Variants in PIGU observed in about 807,000 individuals in gnomAD.
PIGU encodes phosphatidylinositol glycan anchor biosynthesis class U.
PIGU carries 24 observed loss-of-function variants against 49.9 expected under a neutral mutation model. The ratio of observed to expected loss-of-function variants is 0.48; its 90% CI spans 0.35 to 0.68. The LOEUF is 0.68. Ranked by LOEUF, PIGU falls within the 30% of genes least tolerant of loss-of-function variation. PIGU has a pLI of 0.01. For synonymous variants in PIGU, 220 were observed against 205.7 expected (o/e 1.07, Z -0.59); for missense variants, 490 against 532.6 (o/e 0.92, Z 0.79).
intron 11 of PIGU, among the ~76,000 whole-genome samples, chr20:34,570,936 G>T (rs1982986541): frequency 6.6e-6 from 1 of 152,154 alleles, no homozygotes; most frequent in Non-Finnish European, 1.5e-5. Context: ...GTCTCTCCAG[G>T]AATCTGCTCT....
intron 1 of PIGU, among the ~76,000 whole-genome samples, chr20:34,660,171 G>A (rs1012841555): frequency 2.0e-5 from 3 of 151,654 alleles, no homozygotes; most frequent in Admixed American, 6.6e-5. Context: ...AAGGAACAAA[G>A]AAATAGAAAA....
At chr20:34,634,265 T>C (rs1985888178) in intron 6 of PIGU, among the ~76,000 whole-genome samples, 1 of 151,938 alleles carries the variant, frequency 6.6e-6, no homozygotes, top group Non-Finnish European at 1.5e-5. Flanking sequence ...AGAGACAAGC[T>C]CTTGCTATGT....
Position 34,670,059 on chromosome 20 carries a change from C to T in PIGU, c.130+6897G>A, listed in dbSNP as rs139340600. ...GTGAGGGGATTGTGACGAAGGGGGGCTTCTGAAGTGAGTGGCAAAGTTCTG... is the reference window on the plus strand; with the variant it reads ...GTGAGGGGATTGTGACGAAGGGGGGTTTCTGAAGTGAGTGGCAAAGTTCTG... On this transcript the variant is annotated intron_variant, in intron 1 of 11. Coordinates refer to ENST00000217446, the MANE Select transcript of PIGU (RefSeq NM_080476.5). Among the ~76,000 whole-genome samples, 248 of 152,240 alleles carry T rather than the reference C, an allele frequency of 1.6e-3. 2 individuals are homozygous for T. Among genetic ancestry groups the T allele is most frequent in the African/African-American group, 5.6e-3 (231 of 41,544 alleles).
intron 3 of PIGU, 21 bp downstream of exon 3, chr20:34,645,252 ATT>A (rs769771337): frequency 1.3e-6 from 2 of 1,539,528 alleles, no homozygotes; most frequent in Non-Finnish European, 1.7e-6. Context: ...ATACATATCA[ATT>A]TTATATGGAA....
intron 7 of PIGU, among the ~76,000 whole-genome samples, chr20:34,595,322 C>T (rs1031772980): frequency 2.6e-5 from 4 of 152,036 alleles, no homozygotes; most frequent in Non-Finnish European, 5.9e-5. Flanking sequence ...TTTCATTATT[C>T]CCTGAACAAT....
rs1448536647 is a variant in PIGU, at chr20:34,636,660, C to T, written c.428+1216G>A. ...GCACTATAGTAATCAGCTACAAATT[C>T]GGCTCTGAGTTTCCTGGCAGAGAAA... On this transcript the variant is annotated intron_variant, in intron 5 of 11. Transcript: ENST00000217446. 2.6e-5 allele frequency among the ~76,000 whole-genome samples: 4 copies of T among 152,168 alleles called. No individual in the cohort carries two copies. The South Asian group carries it at 6.2e-4, about 24-fold the overall frequency.
chr20:34,616,852 G>A (rs1386810102), intron 6 of PIGU, among the ~76,000 whole-genome samples: 2 of 152,034 alleles, frequency 1.3e-5, no homozygotes, highest in African/African-American at 2.4e-5. Context: ...AGTAACTCAC[G>A]CCTATAATCC....
intron 2 of PIGU, among the ~76,000 whole-genome samples, chr20:34,653,973 T>A (rs1415939139): frequency 6.6e-6 from 1 of 151,552 alleles, no homozygotes. Flanking sequence ...TTCTCCTGCC[T>A]CAGCCTCCTG....
chr20:34,677,013 C>T lies in PIGU; in HGVS notation c.73G>A (p.Ala25Thr). ...TCCACCCGCTCGGAAATGAACTCGG[C>T]CAGACTGGAGCGGAACAAGGCCGCC... ...VRAALFRSSLAEFISERVEVV... is the reference protein window; with the variant it reads ...VRAALFRSSLTEFISERVEVV... Residue 25 changes from alanine to threonine, a missense_variant, in exon 1 of 12, where the codon GCC (alanine) becomes ACC (threonine). Coordinates refer to ENST00000217446, the MANE Select transcript of PIGU (RefSeq NM_080476.5). 6.3e-7 allele frequency: 1 copy of T among 1,584,370 alleles called. No individual in the cohort carries two copies. The highest frequency in any genetic ancestry group is 8.6e-7 in the Non-Finnish European group (1 of 1,166,008).
At chr20:34,629,323 T>C (rs1985613502) in intron 6 of PIGU, among the ~76,000 whole-genome samples, 2 of 152,144 alleles carry the variant, frequency 1.3e-5, no homozygotes, top group Admixed American at 6.5e-5. Flanking sequence ...TGCCGGGCCA[T>C]ATGTTACATT....
At chr20:34,659,307 G>C (rs1986848770) in intron 1 of PIGU, among the ~76,000 whole-genome samples, 2 of 144,144 alleles carry the variant, frequency 1.4e-5, no homozygotes, top group African/African-American at 5.2e-5. Flanking sequence ...AGGTGGGGGG[G>C]TCAGCCCCCC....
chr20:34,647,771 G>A (rs543788500), intron 2 of PIGU, among the ~76,000 whole-genome samples: 12 of 152,072 alleles, frequency 7.9e-5, no homozygotes, highest in African/African-American at 1.9e-4. Flanking sequence ...CTTGCTTAAC[G>A]GTCCATTATA....
At chr20:34,668,471 A>ATAAATAAATAAAT in intron 1 of PIGU, among the ~76,000 whole-genome samples, 1 of 133,342 alleles carries the variant, frequency 7.5e-6, no homozygotes, top group South Asian at 2.2e-4. Flanking sequence ...CAAAAAAAAA[A>ATAAATAAATAAAT]AAAAAAAAAA....
At chr20:34,564,389 T>C (rs1049095302) in intron 11 of PIGU, among the ~76,000 whole-genome samples, 9 of 152,184 alleles carry the variant, frequency 5.9e-5, no homozygotes, top group African/African-American at 1.9e-4. Flanking sequence ...ATGAACTAGC[T>C]GGGAATGGTG....
At chr20:34,650,152 A>G (rs1986484200) in intron 2 of PIGU, among the ~76,000 whole-genome samples, 1 of 151,962 alleles carries the variant, frequency 6.6e-6, no homozygotes, top group Admixed American at 6.6e-5. Context: ...CTGGCCTTAC[A>G]TTTTTAATTT....
In PIGU at chr20:34,645,304, G is replaced by A; in HGVS notation, c.226C>T (p.Leu76=). Residue 76 remains leucine (L), a synonymous_variant, in exon 3 of 12, where the codon CTA becomes TTA. Coordinates refer to ENST00000217446, the MANE Select transcript of PIGU (RefSeq NM_080476.5). ...AACACCAATTCAGCATAGTCAATTA[G>A]GAAATGAAAGAGGTATATTATTAAT... ...TPLIIYLFHF[L]IDYAELVFMI... 6.3e-7 allele frequency: 1 copy of A among 1,577,514 alleles called. No individual in the cohort carries two copies. Among genetic ancestry groups the A allele is most frequent in the Admixed American group, 2.0e-5 (1 of 50,598 alleles).
intron 2 of PIGU, 93 bp downstream of exon 2, chr20:34,657,086 CT>C: frequency 2.9e-5 from 29 of 992,776 alleles, no homozygotes; most frequent in Non-Finnish European, 4.5e-5. Context: ...AAGAATACAT[CT>C]TTTTAAATGT....
chr20:34,645,355 T>C (rs2146771570), intron 2 of PIGU, 21 bp from the exon 3 acceptor site: 1 of 1,553,228 alleles, frequency 6.4e-7, no homozygotes, highest in Non-Finnish European at 8.6e-7. Context: ...AAAACAGACA[T>C]GTAAAAAAAA....
At position 34,657,179 on chromosome 20, in the gene PIGU, C is replaced by G; in HGVS notation, c.195+1G>C. ...CCAGAAAAGAAAATAAGAACACTTA[C>G]TTCATGAAATACTGCTCCAGAATAC... is the stretch of plus-strand genomic sequence containing the variant. On this transcript the variant is annotated splice_donor_variant, in intron 2 of 11. Coordinates refer to ENST00000217446, the MANE Select transcript of PIGU (RefSeq NM_080476.5). LOFTEE classifies it high-confidence loss of function. 6.2e-7 allele frequency: 1 copy of G among 1,606,750 alleles called. No homozygotes were observed.
Sources: gnomAD v4.1 joint callset for allele counts (sites outside exome capture counted in the v4.1 genomes callset) on GRCh38, gnomAD v4.1.1 for gene constraint, MANE v1.5 for transcripts, NCBI Gene and HGNC (gene_info 2026-07-23, HGNC 2026-07-21) for gene names.